Variants in MAF observed in about 807,000 individuals in gnomAD.
MAF encodes the protein transcription factor Maf.
A neutral mutation model predicts 22.0 loss-of-function variants in MAF; 10 were observed. That is an observed-to-expected ratio of 0.45 (90% CI 0.28 to 0.77). The LOEUF (loss-of-function observed/expected upper bound fraction) is 0.77, where lower values mean the gene tolerates loss of function less well. Among genes scored for constraint, MAF ranks in the 30% least tolerant of loss-of-function variants. The pLI, the probability that MAF is intolerant of heterozygous loss-of-function variation, is 0.12. For synonymous variants in MAF, 337 were observed against 255.8 expected (o/e 1.32, Z -3.03); for missense variants, 544 against 548.4 (o/e 0.99, Z 0.08).
chr16:79,573,353 G>A, the MAF span, among the ~76,000 whole-genome samples: 1 of 152,184 alleles, frequency 6.6e-6, no homozygotes, highest in Non-Finnish European at 1.5e-5. Flanking sequence ...CCATATCCCA[G>A]ATTAAAAATC....
chr16:79,299,156 T>C, the MAF span, among the ~76,000 whole-genome samples: 1 of 152,148 alleles, frequency 6.6e-6, no homozygotes, highest in African/African-American at 2.4e-5. Flanking sequence ...CAGCCCTGTT[T>C]AGACTGGATG....
chr16:79,392,452 G>A, the MAF span, among the ~76,000 whole-genome samples: 2 of 150,010 alleles, frequency 1.3e-5, no homozygotes, highest in Admixed American at 1.3e-4. Flanking sequence ...AGGAGGAGGA[G>A]AAGGGAAGGG....
At chr16:79,510,977 A>G in the MAF span, among the ~76,000 whole-genome samples, 1 of 152,210 alleles carries the variant, frequency 6.6e-6, no homozygotes, top group African/African-American at 2.4e-5. Context: ...AAGCCCAGCT[A>G]ATTGTGAGTG....
chr16:79,350,765 C>T, the MAF span, among the ~76,000 whole-genome samples: 1 of 152,170 alleles, frequency 6.6e-6, no homozygotes, highest in Non-Finnish European at 1.5e-5. Flanking sequence ...TTCAAGCAGG[C>T]ATTCCAGCCT....
chr16:79,373,571 C>A, the MAF span, among the ~76,000 whole-genome samples: 8 of 151,300 alleles, frequency 5.3e-5, no homozygotes, highest in Admixed American at 4.6e-4. Flanking sequence ...TTAGTAGAGA[C>A]GGGGTTTTAC....
downstream of MAF, among the ~76,000 whole-genome samples, chr16:79,591,055 G>C (rs1169891845): frequency 6.6e-6 from 1 of 152,160 alleles, no homozygotes; most frequent in Non-Finnish European, 1.5e-5. Flanking sequence ...CCTTGTTGGG[G>C]ATTCTGGAAG....
downstream of MAF, among the ~76,000 whole-genome samples, chr16:79,582,115 C>G (rs923285510): frequency 1.3e-5 from 2 of 152,156 alleles, no homozygotes; most frequent in African/African-American, 4.8e-5. Context: ...AAAACTCAAC[C>G]CTGCTGCTTT....
the MAF span, chr16:79,212,536 G>A: frequency 5.2e-5 from 9 of 171,480 alleles, 1 homozygote; most frequent in South Asian, 1.0e-3. Context: ...ATTTTGGGGG[G>A]CAGAGAATAA....
the MAF span, among the ~76,000 whole-genome samples, chr16:79,279,792 T>A: frequency 4.3e-4 from 66 of 152,324 alleles, no homozygotes; most frequent in East Asian, 1.2e-3. Flanking sequence ...TTTTATATAT[T>A]TTTTTAACAA....
At chr16:79,506,656 G>A in the MAF span, among the ~76,000 whole-genome samples, 1 of 152,182 alleles carries the variant, frequency 6.6e-6, no homozygotes, top group African/African-American at 2.4e-5. Context: ...AGGAGGGGCT[G>A]GATGGAACTG....
intron 1 of MAF, among the ~76,000 whole-genome samples, chr16:79,586,772 C>A (rs1196113475): frequency 6.6e-6 from 1 of 152,164 alleles, no homozygotes; most frequent in Non-Finnish European, 1.5e-5. Context: ...CCTGTCATTT[C>A]TTCCTATAGC....
chr16:79,428,693 C>A, the MAF span, among the ~76,000 whole-genome samples: 10 of 151,858 alleles, frequency 6.6e-5, no homozygotes, highest in East Asian at 1.9e-4. Context: ...TACACACACA[C>A]AAAAATTATC....
chr16:79,584,671 T>C (rs138819441), downstream of MAF, among the ~76,000 whole-genome samples: 190 of 152,152 alleles, frequency 1.2e-3, 1 homozygote, highest in Middle Eastern at 6.8e-3. Flanking sequence ...GCTGAGACAA[T>C]AAAGGAATAA....
chr16:79,235,475 G>A, the MAF span, among the ~76,000 whole-genome samples: 4 of 151,876 alleles, frequency 2.6e-5, no homozygotes, highest in Admixed American at 2.0e-4. Flanking sequence ...CTGAGGTGGG[G>A]AGATCGCTTG....
chr16:79,303,883 A>C, the MAF span, among the ~76,000 whole-genome samples: 1 of 152,186 alleles, frequency 6.6e-6, no homozygotes, highest in African/African-American at 2.4e-5. Flanking sequence ...AAGTCAAATC[A>C]ACTTATGTCA....
chr16:79,226,823 G>C, the MAF span, among the ~76,000 whole-genome samples: 2 of 151,994 alleles, frequency 1.3e-5, no homozygotes, highest in African/African-American at 4.8e-5. Flanking sequence ...AAATATGCCA[G>C]TGCTTGTAAA....
At chr16:79,372,195 C>G in the MAF span, among the ~76,000 whole-genome samples, 1 of 150,774 alleles carries the variant, frequency 6.6e-6, no homozygotes, top group Non-Finnish European at 1.5e-5. Context: ...GATCAGTAAT[C>G]TCTGCCAGCC....
chr16:79,360,090 T>G, the MAF span, among the ~76,000 whole-genome samples: 1 of 152,184 alleles, frequency 6.6e-6, no homozygotes, highest in Non-Finnish European at 1.5e-5. Flanking sequence ...TTGGAATGGC[T>G]GCCTTGGAAC....
the MAF span, among the ~76,000 whole-genome samples, chr16:79,537,838 C>T: frequency 1.3e-5 from 2 of 152,108 alleles, no homozygotes; most frequent in Admixed American, 6.6e-5. Context: ...TGACAGTCGC[C>T]GTTGATTGAG....
Sources: allele counts gnomAD v4.1 joint callset (sites outside exome capture counted in the v4.1 genomes callset), GRCh38; gene constraint gnomAD v4.1.1; transcripts MANE v1.5; gene names NCBI Gene and HGNC (gene_info 2026-07-23, HGNC 2026-07-21).